The following RNGTT variants were observed in gnomAD, a reference collection of about 807,000 sequenced individuals.
RNGTT encodes the protein mRNA-capping enzyme.
Under a neutral mutation model 79.3 loss-of-function variants are expected in RNGTT, and 33 were observed. That is an observed-to-expected ratio of 0.42 (90% CI 0.32 to 0.56). RNGTT has a LOEUF of 0.56. RNGTT is among the 20% of genes least tolerant of loss of function. The pLI is 0.17. For synonymous variants in RNGTT, 222 were observed against 235.9 expected (o/e 0.94, Z 0.54); for missense variants, 497 against 739.1 (o/e 0.67, Z 3.80).
chr6:88,642,214 A>C (rs1221152694), intron 14 of RNGTT, among the ~76,000 whole-genome samples: 1 of 152,182 alleles, frequency 6.6e-6, no homozygotes, highest in African/African-American at 2.4e-5. Context: ...CAAATCACTA[A>C]CTACAAAAAT....
intron 12 of RNGTT, among the ~76,000 whole-genome samples, chr6:88,792,081 A>T (rs1246830863): frequency 6.6e-6 from 1 of 152,212 alleles, no homozygotes; most frequent in East Asian, 1.9e-4. Context: ...TGAATAGTCT[A>T]AAAGTGGGCC....
chr6:88,668,123 G>A (rs1035394769), intron 14 of RNGTT, among the ~76,000 whole-genome samples: 1 of 152,162 alleles, frequency 6.6e-6, no homozygotes, highest in Admixed American at 6.5e-5. Flanking sequence ...ATTCTCCCCA[G>A]TTTACCCTTT....
At chr6:88,757,637 A>G (rs773295930) in intron 13 of RNGTT, among the ~76,000 whole-genome samples, 2 of 152,216 alleles carry the variant, frequency 1.3e-5, no homozygotes, top group South Asian at 2.1e-4. Flanking sequence ...AAGACAACAT[A>G]TGATGTTATA....
intron 13 of RNGTT, among the ~76,000 whole-genome samples, chr6:88,702,569 T>G (rs1331579725): frequency 2.6e-5 from 4 of 151,826 alleles, no homozygotes. Flanking sequence ...TCGAGATGAA[T>G]TAAAGACTTA....
chr6:88,774,495 C>T (rs2127845796), intron 12 of RNGTT, among the ~76,000 whole-genome samples: 1 of 152,284 alleles, frequency 6.6e-6, no homozygotes, highest in Admixed American at 6.5e-5. Flanking sequence ...AACCTGAAAA[C>T]AGCTACTCAA....
intron 14 of RNGTT, among the ~76,000 whole-genome samples, chr6:88,668,062 A>C (rs1774485098): frequency 6.6e-6 from 1 of 152,206 alleles, no homozygotes; most frequent in South Asian, 2.1e-4. Context: ...CTTTAGAAAA[A>C]GTTACACAAA....
intron 11 of RNGTT, among the ~76,000 whole-genome samples, chr6:88,839,191 T>C (rs1413496388): frequency 6.6e-6 from 1 of 152,128 alleles, no homozygotes; most frequent in Non-Finnish European, 1.5e-5. Context: ...ATCTAATCTC[T>C]GTGTACCTAT....
intron 14 of RNGTT, among the ~76,000 whole-genome samples, chr6:88,646,991 T>C (rs1339431142): frequency 1.3e-5 from 2 of 152,194 alleles, no homozygotes; most frequent in Admixed American, 6.5e-5. Flanking sequence ...CTGCACGTTG[T>C]GCACATGTAC....
intron 13 of RNGTT, among the ~76,000 whole-genome samples, chr6:88,768,096 C>A (rs1375390020): frequency 6.6e-6 from 1 of 151,640 alleles, no homozygotes; most frequent in African/African-American, 2.4e-5. Context: ...AACTTTTTGC[C>A]ATTAAGTCCC....
intron 1 of RNGTT, among the ~76,000 whole-genome samples, chr6:88,956,465 CAAAG>C (rs1785434753): frequency 3.3e-5 from 5 of 152,058 alleles, no homozygotes; most frequent in Admixed American, 3.3e-4. Context: ...TTCTACCAGT[CAAAG>C]AAGAATTGCT....
At chr6:88,769,634 A>G (rs1428597625) in intron 13 of RNGTT, 140 bp downstream of exon 13, 1 of 498,992 alleles carries the variant, frequency 2.0e-6, no homozygotes, top group African/African-American at 1.9e-5. Context: ...ATAAGTATAT[A>G]TGTAAAATAT....
In RNGTT at chr6:88,755,748, G is replaced by A. The variant is rs567069302; in HGVS notation, c.1439+14026C>T. On this transcript the variant is annotated intron_variant, in intron 13 of 15. Transcript: ENST00000369485. The stretch of plus-strand genomic sequence containing the variant: ...GAGGCCAAGGCAGGTGCATCACGAG[G>A]TCAGGAGCTCAAGACGAGCCTGAAC... Among the ~76,000 whole-genome samples the A allele has an allele frequency of 2.1e-4, 32 of 151,968 alleles. No homozygotes were observed. The East Asian group carries it at 6.0e-3, about 29-fold the overall frequency.
intron 14 of RNGTT, among the ~76,000 whole-genome samples, chr6:88,627,730 C>T (rs1772686341): frequency 6.6e-6 from 1 of 152,088 alleles, no homozygotes. Flanking sequence ...CACTTACAGG[C>T]ACCGAAGACC....
At chr6:88,640,429 T>C (rs1448347299) in intron 14 of RNGTT, among the ~76,000 whole-genome samples, 1 of 149,018 alleles carries the variant, frequency 6.7e-6, no homozygotes, top group Non-Finnish European at 1.5e-5. Context: ...CATGTGCCTG[T>C]AGTCCCAGCT....
chr6:88,642,191 T>C (rs1462256801), intron 14 of RNGTT, among the ~76,000 whole-genome samples: 8 of 152,194 alleles, frequency 5.3e-5, no homozygotes, highest in Non-Finnish European at 1.2e-4. Context: ...CCTTGAGAAA[T>C]GACAGCTGAC....
intron 12 of RNGTT, among the ~76,000 whole-genome samples, chr6:88,792,089 G>T (rs1019153483): frequency 1.3e-5 from 2 of 152,054 alleles, no homozygotes; most frequent in African/African-American, 4.8e-5. Flanking sequence ...CTAAAAGTGG[G>T]CCCACACACT....
At chr6:88,744,643 C>A (rs1450079923) in intron 13 of RNGTT, among the ~76,000 whole-genome samples, 1 of 151,892 alleles carries the variant, frequency 6.6e-6, no homozygotes, top group Non-Finnish European at 1.5e-5. Context: ...CTCTAGAAAA[C>A]CTGATTTCTG....
At position 88,951,912 on chromosome 6, in the gene RNGTT, T is replaced by C. The variant is rs565246562; in HGVS notation, c.65-10732A>G. On this transcript the variant is annotated intron_variant, in intron 1 of 15. Transcript: ENST00000369485. ...CATAATAATTTTGACCAGGCATGAATTTTCTTAAGCAGAATCCAGGGAATG... is the reference window on the plus strand; with the variant it reads ...CATAATAATTTTGACCAGGCATGAACTTTCTTAAGCAGAATCCAGGGAATG... Among the ~76,000 whole-genome samples the C allele has an allele frequency of 1.4e-4, 21 of 152,190 alleles. No homozygotes were observed. The South Asian group carries it at 4.4e-3, about 32-fold the overall frequency.
intron 12 of RNGTT, among the ~76,000 whole-genome samples, chr6:88,791,757 T>C (rs945457796): frequency 1.3e-5 from 2 of 152,148 alleles, no homozygotes; most frequent in African/African-American, 2.4e-5. Context: ...GCCAGGATGG[T>C]CTCGATCTCC....
Sources: allele counts gnomAD v4.1 joint callset (sites outside exome capture counted in the v4.1 genomes callset), GRCh38; gene constraint gnomAD v4.1.1; transcripts MANE v1.5; gene names NCBI Gene and HGNC (gene_info 2026-07-23, HGNC 2026-07-21).